BRI3: variants seen among roughly 807,000 people sequenced by gnomAD.
The protein encoded by BRI3 is brain protein I3.
Under a neutral mutation model 12.8 loss-of-function variants are expected in BRI3, and 6 were observed. The ratio of observed to expected loss-of-function variants is 0.47; its 90% CI spans 0.26 to 0.93. The LOEUF (loss-of-function observed/expected upper bound fraction) is 0.93. BRI3 is among the 40% of genes least tolerant of loss of function. BRI3 has a pLI of 0.15. For missense variants in BRI3, 134 were observed against 171.1 expected (o/e 0.78, Z 1.21); for synonymous variants, 91 against 76.1 (o/e 1.20, Z -1.02).
At chr7:98,305,633 G>A (rs1202003497), upstream of BRI3, among the ~76,000 whole-genome samples, 7 of 152,126 alleles carry the variant, frequency 4.6e-5, no homozygotes, top group Non-Finnish European at 8.8e-5. Context: ...ATGTTGCGCA[G>A]GCTGGTCCTG....
chr7:98,282,505 GCCCTAA>G, intron 2 of BRI3, 52 bp downstream of exon 2: 1 of 1,471,264 alleles, frequency 6.8e-7, no homozygotes. Context: ...GAGGACCCCC[GCCCTAA>G]CCCCCAGGAC....
chr7:98,312,726 T>C (rs187029981), downstream of BRI3, among the ~76,000 whole-genome samples: 1 of 146,316 alleles, frequency 6.8e-6, no homozygotes, highest in Non-Finnish European at 1.5e-5. Context: ...AATCAGACAC[T>C]GTCCTGAGAG....
chr7:98,312,106 T>C (rs777859822), downstream of BRI3: 5 of 1,598,610 alleles, frequency 3.1e-6, no homozygotes, highest in South Asian at 5.7e-5. Flanking sequence ...CCACATTGCT[T>C]CTCTCGATCA....
intron 2 of BRI3, among the ~76,000 whole-genome samples, chr7:98,284,803 C>T (rs1049426111): frequency 6.6e-6 from 1 of 152,208 alleles, no homozygotes; most frequent in Non-Finnish European, 1.5e-5. Flanking sequence ...TTTCCGCAGC[C>T]TGGCGGCGGA....
intron 1 of BRI3, among the ~76,000 whole-genome samples, chr7:98,301,503 G>A (rs1800421661): frequency 7.9e-6 from 1 of 127,316 alleles, no homozygotes; most frequent in Non-Finnish European, 1.8e-5. Flanking sequence ...ATTTTAAGTG[G>A]AGACGGGATT....
Position 98,291,153 on chromosome 7 carries a change from C to G in BRI3, c.288C>G (p.Phe96Leu). Residue 96 changes from phenylalanine to leucine, a missense_variant, in exon 3 of 3, where the codon TTC becomes TTG. By Grantham distance (22) the Phe-to-Leu change is conservative (BLOSUM62 0). Transcript: ENST00000297290. ...LEDCFTFLGI[F>L]LAIILFPFGF... The stretch of plus-strand genomic sequence containing the variant: ...ACTGCTTCACCTTCCTGGGCATCTT[C>G]CTGGCCATCATCCTCTTCCCCTTTG... 6.2e-7 allele frequency: 1 copy of G among 1,614,180 alleles called. No individual in the cohort carries two copies. The highest frequency in any genetic ancestry group is 1.1e-5 in the South Asian group (1 of 91,084).
upstream of BRI3, among the ~76,000 whole-genome samples, chr7:98,305,279 T>C (rs1274348083): frequency 1.3e-5 from 2 of 151,064 alleles, no homozygotes; most frequent in Non-Finnish European, 2.9e-5. Flanking sequence ...AGGAAAGAAA[T>C]TGGAGACTAG....
chr7:98,299,182 A>AT (rs879276796), intron 1 of BRI3, among the ~76,000 whole-genome samples: 5 of 150,626 alleles, frequency 3.3e-5, no homozygotes, highest in African/African-American at 7.3e-5. Context: ...TGCCCAGCTA[A>AT]TTTTTTTTGT....
At chr7:98,311,784 T>C (rs549860242), downstream of BRI3, among the ~76,000 whole-genome samples, 1 of 152,018 alleles carries the variant, frequency 6.6e-6, no homozygotes, top group East Asian at 1.9e-4. Flanking sequence ...TGCGCCCCAG[T>C]AATCCCAGCT....
rs746969865 is a variant in BRI3 at position 98,291,254 on chromosome 7, A to G, written c.*11A>G. 4 of 1,612,590 alleles carry G rather than the reference A, an allele frequency of 2.5e-6. No individual in the cohort carries two copies. The East Asian group carries it at 8.9e-5, about 36-fold the overall frequency. On this transcript the variant is annotated 3_prime_UTR_variant, in exon 3 of 3. Coordinates refer to ENST00000297290, the MANE Select transcript of BRI3 (RefSeq NM_015379.5). ...GCCACCTTCGCTTAAAGGGAACACC[A>G]GGCCCGGCTTTCCTACACCCAGCTC...
chr7:98,300,000 C>G (rs909300207), intron 1 of BRI3, among the ~76,000 whole-genome samples: 1 of 152,154 alleles, frequency 6.6e-6, no homozygotes, highest in Non-Finnish European at 1.5e-5. Flanking sequence ...AAGATCATGC[C>G]ACTGCACTCC....
At chr7:98,304,284 A>G, upstream of BRI3, 1 of 1,613,540 alleles carries the variant, frequency 6.2e-7, no homozygotes, top group South Asian at 1.1e-5. Flanking sequence ...AGCTGCCCCC[A>G]TGGACAAGCA....
chr7:98,295,415 A>T (rs147701736), downstream of BRI3, among the ~76,000 whole-genome samples: 31 of 152,302 alleles, frequency 2.0e-4, 1 homozygote, highest in East Asian at 5.8e-3. Context: ...TGGCCGCAAA[A>T]GTGACTTCCT....
At chr7:98,302,784 G>A (rs1800482178), upstream of BRI3, among the ~76,000 whole-genome samples, 1 of 152,134 alleles carries the variant, frequency 6.6e-6, no homozygotes, top group Non-Finnish European at 1.5e-5. Flanking sequence ...CAACTACACT[G>A]TAAACCATTT....
At chr7:98,296,619 A>G (rs11772293), downstream of BRI3, among the ~76,000 whole-genome samples, 62,036 of 152,096 alleles carry the variant, frequency 0.41, 13,651 homozygotes, top group Middle Eastern at 0.54. Context: ...GTGAGACTCC[A>G]TCTGTAAAAA....
rs1232830405 is a variant in BRI3 at position 98,291,430 on chromosome 7, A to G, written c.*187A>G. 6.3e-6 allele frequency: 9 copies of G among 1,424,636 alleles called. No individual in the cohort carries two copies. In the East Asian group the frequency reaches 7.7e-5, roughly 12 times the overall value. 88.2% of individuals were successfully genotyped at this position (1,424,636 alleles called of 1,614,324 possible). ...GTGCTGCTGCTCCCGCCCGAGGCTC[A>G]TGACAACTCAATAAAGCACTGCTTT... On this transcript the variant is annotated 3_prime_UTR_variant, in exon 3 of 3. Transcript: ENST00000297290.
chr7:98,306,822 C>T, intron 1 of BRI3: 1 of 377,998 alleles, frequency 2.6e-6, no homozygotes, highest in Non-Finnish European at 4.9e-6. Flanking sequence ...ATCCCCCTGC[C>T]TCAGCATCCG....
downstream of BRI3, chr7:98,293,114 A>AT: frequency 2.4e-6 from 1 of 416,902 alleles, no homozygotes; most frequent in Non-Finnish European, 3.4e-6. Context: ...ACATAATGCT[A>AT]TTAAGAGCAC....
downstream of BRI3, among the ~76,000 whole-genome samples, chr7:98,314,628 A>G (rs1168967696): frequency 6.6e-6 from 1 of 152,208 alleles, no homozygotes; most frequent in Non-Finnish European, 1.5e-5. Context: ...TGAATAAACC[A>G]GGAACCAATA....
Sources: allele counts gnomAD v4.1 joint callset (sites outside exome capture counted in the v4.1 genomes callset), GRCh38; gene constraint gnomAD v4.1.1; transcripts MANE v1.5; gene names NCBI Gene and HGNC (gene_info 2026-07-23, HGNC 2026-07-21).